NRG3: variants seen among roughly 807,000 people sequenced by gnomAD.
The protein encoded by NRG3 is pro-neuregulin-3, membrane-bound isoform.
NRG3 carries 31 observed loss-of-function variants against 66.9 expected under a neutral mutation model. The ratio of observed to expected loss-of-function variants is 0.46; its 90% CI spans 0.35 to 0.63. NRG3 has a LOEUF of 0.63. Ranked by LOEUF, NRG3 falls within the 20% of genes least tolerant of loss-of-function variation. The probability of loss-of-function intolerance (pLI) is 0.00; values close to 1 mark genes in which losing one functional copy is unlikely to be tolerated. For synonymous variants in NRG3, 393 were observed against 359.4 expected (o/e 1.09, Z -1.06); for missense variants, 910 against 878.9 (o/e 1.04, Z -0.45).
intron 1 of NRG3, among the ~76,000 whole-genome samples, chr10:82,013,689 G>A (rs1401445382): frequency 6.6e-6 from 1 of 151,806 alleles, no homozygotes; most frequent in African/African-American, 2.4e-5. Context: ...TAGAAAATGT[G>A]TTTATAGAAT....
At chr10:82,314,214 T>A (rs976248580) in intron 1 of NRG3, among the ~76,000 whole-genome samples, 8 of 152,184 alleles carry the variant, frequency 5.3e-5, no homozygotes, top group African/African-American at 1.4e-4. Context: ...TTTCTCTCAT[T>A]AGCTTGACAA....
At chr10:82,982,419 C>T (rs1434639077) in intron 8 of NRG3, among the ~76,000 whole-genome samples, 1 of 152,144 alleles carries the variant, frequency 6.6e-6, no homozygotes, top group African/African-American at 2.4e-5. Flanking sequence ...ATGATAAGCT[C>T]ATGGACCGAA....
intron 1 of NRG3, among the ~76,000 whole-genome samples, chr10:82,328,732 G>A (rs2081993103): frequency 6.6e-6 from 1 of 152,080 alleles, no homozygotes; most frequent in Admixed American, 6.5e-5. Flanking sequence ...GGCATGCCTG[G>A]CACATCTTCA....
chr10:82,769,512 TA>T (rs1565295555), intron 3 of NRG3, among the ~76,000 whole-genome samples: 1 of 152,128 alleles, frequency 6.6e-6, no homozygotes, highest in Non-Finnish European at 1.5e-5. Flanking sequence ...TATTTTGAGA[TA>T]TATTTCTCAA....
intron 6 of NRG3, among the ~76,000 whole-genome samples, chr10:82,972,813 T>C (rs1851892003): frequency 6.6e-6 from 1 of 152,004 alleles, no homozygotes; most frequent in Admixed American, 6.6e-5. Flanking sequence ...AAAAGGTTGA[T>C]TAACTTGATT....
chr10:82,686,441 G>T (rs2054520819), intron 2 of NRG3, among the ~76,000 whole-genome samples: 1 of 152,086 alleles, frequency 6.6e-6, no homozygotes, highest in South Asian at 2.1e-4. Context: ...ACCCACCTCA[G>T]CCCCCCAAAG....
chr10:82,631,609 C>G (rs1225599216), intron 2 of NRG3, among the ~76,000 whole-genome samples: 1 of 130,090 alleles, frequency 7.7e-6, no homozygotes, highest in Non-Finnish European at 1.6e-5. Flanking sequence ...TTTTTTCAGT[C>G]TTTGTAATAG....
intron 2 of NRG3, among the ~76,000 whole-genome samples, chr10:82,382,784 C>T (rs1434342481): frequency 3.3e-5 from 5 of 151,882 alleles, no homozygotes; most frequent in African/African-American, 9.7e-5. Flanking sequence ...ACATAAATTT[C>T]TGCATAGTCC....
chr10:82,343,373 A>C (rs1458295408), intron 1 of NRG3, among the ~76,000 whole-genome samples: 1 of 152,120 alleles, frequency 6.6e-6, no homozygotes, highest in Non-Finnish European at 1.5e-5. Context: ...TACAAGCAAA[A>C]CTACAAAACA....
At chr10:82,303,086 A>C (rs1286842210) in intron 1 of NRG3, among the ~76,000 whole-genome samples, 3 of 152,056 alleles carry the variant, frequency 2.0e-5, no homozygotes, top group Non-Finnish European at 1.5e-5. Flanking sequence ...TATTAGATGG[A>C]AATATCTCTA....
At chr10:81,977,966 A>G (rs2060188660) in intron 1 of NRG3, among the ~76,000 whole-genome samples, 1 of 152,044 alleles carries the variant, frequency 6.6e-6, no homozygotes, top group Non-Finnish European at 1.5e-5. Flanking sequence ...TGATACATGT[A>G]TTGTATCAGA....
At chr10:81,940,449 T>A (rs1003769569) in intron 1 of NRG3, among the ~76,000 whole-genome samples, 3 of 152,056 alleles carry the variant, frequency 2.0e-5, no homozygotes, top group African/African-American at 7.2e-5. Context: ...AGGCTCAAAC[T>A]ATCCTCCTGC....
At chr10:82,827,253 A>G (rs2062274596) in intron 3 of NRG3, 1 of 359,254 alleles carries the variant, frequency 2.8e-6, no homozygotes, top group Non-Finnish European at 5.4e-6. Context: ...TAGATTAAAA[A>G]TCTAATTTCA....
intron 2 of NRG3, among the ~76,000 whole-genome samples, chr10:82,481,890 G>A (rs1411219010): frequency 6.6e-6 from 1 of 152,162 alleles, no homozygotes; most frequent in Admixed American, 6.5e-5. Flanking sequence ...TGGAGGCTGA[G>A]ACAGGAGAAC....
At chr10:82,543,091 C>T (rs1024989981) in intron 2 of NRG3, among the ~76,000 whole-genome samples, 1 of 152,038 alleles carries the variant, frequency 6.6e-6, no homozygotes, top group African/African-American at 2.4e-5. Flanking sequence ...AGGGTTTCAC[C>T]ATGTTGGCCA....
intron 1 of NRG3, among the ~76,000 whole-genome samples, chr10:81,952,043 G>T (rs1352344834): frequency 6.6e-6 from 1 of 150,810 alleles, no homozygotes; most frequent in Non-Finnish European, 1.5e-5. Context: ...AACACCGCAT[G>T]TTCTCCCTCA....
intron 1 of NRG3, among the ~76,000 whole-genome samples, chr10:82,197,898 C>A (rs2074530087): frequency 6.6e-6 from 1 of 151,990 alleles, no homozygotes; most frequent in Non-Finnish European, 1.5e-5. Flanking sequence ...TAACTGAATT[C>A]TTCATTAATA....
At chr10:81,876,466 G>T (rs555835113) in intron 1 of NRG3, among the ~76,000 whole-genome samples, 2 of 152,242 alleles carry the variant, frequency 1.3e-5, no homozygotes, top group South Asian at 4.1e-4. Flanking sequence ...ACGCGAGTGC[G>T]ATCCCTCCTC....
chr10:82,493,012 T>C (rs1843289300), intron 2 of NRG3, among the ~76,000 whole-genome samples: 1 of 152,198 alleles, frequency 6.6e-6, no homozygotes, highest in Non-Finnish European at 1.5e-5. Flanking sequence ...GTATCCCTGC[T>C]GGGGCATTGG....
Sources: gnomAD v4.1 joint callset for allele counts (sites outside exome capture counted in the v4.1 genomes callset) on GRCh38, gnomAD v4.1.1 for gene constraint, MANE v1.5 for transcripts, NCBI Gene and HGNC (gene_info 2026-07-23, HGNC 2026-07-21) for gene names.